Variants in LMNA observed in about 807,000 individuals in gnomAD.
LMNA encodes the protein lamin.
Under a neutral mutation model 70.4 loss-of-function variants are expected in LMNA, and 20 were observed. The observed-to-expected ratio is 0.28, with a 90% confidence interval of 0.20 to 0.41. The LOEUF is 0.41. Ranked by LOEUF, LMNA falls within the 10% of genes least tolerant of loss-of-function variation. LMNA has a pLI of 1.00. For synonymous variants in LMNA, 339 were observed against 372.8 expected (o/e 0.91, Z 1.04); for missense variants, 652 against 917.2 (o/e 0.71, Z 3.73).
At chr1:156,094,950 G>A (rs1449605835) in intron 3 of LMNA, among the ~76,000 whole-genome samples, 5 of 146,580 alleles carry the variant, frequency 3.4e-5, no homozygotes, top group Admixed American at 6.8e-5. Flanking sequence ...TTTTGAGAAC[G>A]GAGTCTTGCT....
rs1026488002 is a variant in LMNA, at chr1:156,126,237, C to T, written c.357-4380C>T. ...CTCTGAGGGCTGGTGAGCAGGGCTG[C>T]TGAGGAGTGGGTCTAAGGAGTCCCT... On this transcript the variant is annotated intron_variant, in intron 1 of 11. Coordinates refer to ENST00000368300, the MANE Select transcript of LMNA (RefSeq NM_170707.4). 3 of 1,518,208 alleles carry T rather than the reference C, an allele frequency of 2.0e-6. No homozygotes were observed. In the South Asian group the frequency reaches 3.7e-5, roughly 18 times the overall value. The allele number at this position is 1,518,208 out of a possible 1,614,324, so 94.0% of individuals were successfully genotyped here.
At chr1:156,091,922 AT>A (rs1014638897) in intron 3 of LMNA, among the ~76,000 whole-genome samples, 12 of 147,440 alleles carry the variant, frequency 8.1e-5, no homozygotes, top group South Asian at 2.2e-4. Context: ...ACAAAAAAAA[AT>A]TTTTTTTTTT....
At chr1:156,086,781 A>G (rs1648497068) in intron 2 of LMNA, among the ~76,000 whole-genome samples, 1 of 152,132 alleles carries the variant, frequency 6.6e-6, no homozygotes, top group Admixed American at 6.5e-5. Context: ...CTGGCATTAC[A>G]GCATGCACCA....
At position 156,138,060 on chromosome 1, in the gene LMNA, G is replaced by A. The variant is rs866262472; in HGVS notation, c.1698+317G>A. On this transcript the variant is annotated intron_variant, in intron 10 of 11. Coordinates refer to ENST00000368300, the MANE Select transcript of LMNA (RefSeq NM_170707.4). This position sits in a 1 kb window ranked among gnomAD's most constrained non-coding sequence, Gnocchi z 5.5. ...GGGAGGACAGACGTGGGGCATGCCC[G>A]CCCTGCCTCTCTCCCCCATTCTTGT... is the stretch of plus-strand genomic sequence containing the variant. 8.6e-5 allele frequency: 47 copies of A among 547,336 alleles called. No individual in the cohort carries two copies. In the Middle Eastern group the frequency reaches 3.5e-3, roughly 41 times the overall value. The allele number at this position is 547,336 out of a possible 1,614,324, so 33.9% of individuals were successfully genotyped here.
At chr1:156,088,083 G>T (rs1052978169) in intron 2 of LMNA, among the ~76,000 whole-genome samples, 3 of 151,646 alleles carry the variant, frequency 2.0e-5, no homozygotes, top group Non-Finnish European at 2.9e-5. Context: ...TGTTGGCCAG[G>T]ATGGTCTGTA....
intron 3 of LMNA, among the ~76,000 whole-genome samples, chr1:156,093,297 C>CA (rs1272057690): frequency 7.3e-6 from 1 of 136,568 alleles, no homozygotes; most frequent in African/African-American, 2.8e-5. Context: ...ATTTATATGT[C>CA]AATTTTTTTT....
At chr1:156,123,730 G>C (rs1019354975) in intron 1 of LMNA, among the ~76,000 whole-genome samples, 1 of 152,172 alleles carries the variant, frequency 6.6e-6, no homozygotes, top group African/African-American at 2.4e-5. Flanking sequence ...CTTGGCAGGA[G>C]ACCTTGCAGG....
At chr1:156,120,492 G>A (rs1650109429) in intron 1 of LMNA, among the ~76,000 whole-genome samples, 1 of 152,194 alleles carries the variant, frequency 6.6e-6, no homozygotes, top group East Asian at 1.9e-4. Context: ...GCTTTGGGAG[G>A]CTAAGGCAGG....
At position 156,135,758 on chromosome 1, in the gene LMNA, G is replaced by C; in HGVS notation, c.937-143G>C. 4.3e-6 allele frequency: 3 copies of C among 702,236 alleles called. No individual in the cohort carries two copies. Among genetic ancestry groups the C allele is most frequent in the Non-Finnish European group, 7.4e-6 (3 of 405,856 alleles). The allele number at this position is 702,236 out of a possible 1,614,324, so 43.5% of individuals were successfully genotyped here. ...ATGTTTAGAGCTTGTGATGTTCAGA[G>C]CTGGCTCTGATGAGGGCTCTGGGGA... On this transcript the variant is annotated intron_variant, in intron 5 of 11. Transcript: ENST00000368300. This position sits in a 1 kb window ranked among gnomAD's most constrained non-coding sequence, Gnocchi z 4.8.
Position 156,136,562 on chromosome 1 carries a change from ATCTCCTCCACAC to A in LMNA, c.1380+130_1380+141del, listed in dbSNP as rs1356535566. The A allele has an allele frequency of 1.0e-6, 1 of 995,130 alleles. No homozygotes were observed. Among genetic ancestry groups the A allele is most frequent in the Non-Finnish European group, 1.5e-6 (1 of 654,414 alleles). The allele number at this position is 995,130 out of a possible 1,614,324, so 61.6% of individuals were successfully genotyped here. ...AGGGTGGACCAGGGTGAGCCTGTAT[ATCTCCTCCACAC>A]TCTGGTTCCAGGCCTGGCTCCTGGA... On this transcript the variant is annotated intron_variant, in intron 7 of 11. Transcript: ENST00000368300. The surrounding 1 kb of genome is among the most constrained non-coding windows in gnomAD (Gnocchi z 6.1).
At chr1:156,126,739 T>G in intron 1 of LMNA, 1 of 1,566,994 alleles carries the variant, frequency 6.4e-7, no homozygotes, top group Non-Finnish European at 8.6e-7. Context: ...AGATCAGATT[T>G]GCCAGTGATG....
In LMNA at chr1:156,134,295, GT is replaced by G. The variant is rs1435499264; in HGVS notation, c.514-105del. 1.5e-5 allele frequency: 19 copies of G among 1,300,214 alleles called. No individual in the cohort carries two copies. Among genetic ancestry groups the G allele is most frequent in the Admixed American group, 2.0e-5 (1 of 51,180 alleles). The allele number at this position is 1,300,214 out of a possible 1,614,324, so 80.5% of individuals were successfully genotyped here. ...TCCAAGGCCCTCCTTCCCTGGACCTGTTTCCACATGTGTGAAGGGGTGCACA... is the reference window on the plus strand; with the variant it reads ...TCCAAGGCCCTCCTTCCCTGGACCTGTTCCACATGTGTGAAGGGGTGCACA... On this transcript the variant is annotated intron_variant, in intron 2 of 11. Coordinates refer to ENST00000368300, the MANE Select transcript of LMNA (RefSeq NM_170707.4). The surrounding 1 kb of genome is among the most constrained non-coding windows in gnomAD (Gnocchi z 5.3).
chr1:156,098,763 G>C (rs1293107619), intron 3 of LMNA, among the ~76,000 whole-genome samples: 4 of 152,174 alleles, frequency 2.6e-5, no homozygotes, highest in Non-Finnish European at 5.9e-5. Flanking sequence ...GTCATGTCTA[G>C]TGGGACTGAG....
At chr1:156,098,323 C>A (rs1479869306) in intron 3 of LMNA, among the ~76,000 whole-genome samples, 1 of 152,192 alleles carries the variant, frequency 6.6e-6, no homozygotes, top group Non-Finnish European at 1.5e-5. Flanking sequence ...GAAGAGTGAA[C>A]TAGATTCCCT....
chr1:156,137,290 C>G lies in LMNA; in HGVS notation c.1608+58C>G. On this transcript the variant is annotated intron_variant, in intron 9 of 11. Transcript: ENST00000368300. This position sits in a 1 kb window ranked among gnomAD's most constrained non-coding sequence, Gnocchi z 4.6. ...CGAGGCTCCCCCTGATGGCCAACAT[C>G]GGAGCCAGCTGCCCCCAACCCAAGT... 1 of 1,536,690 alleles carries G rather than the reference C, an allele frequency of 6.5e-7. No homozygotes were observed. The highest frequency in any genetic ancestry group is 8.7e-7 in the Non-Finnish European group (1 of 1,146,824).
intron 2 of LMNA, among the ~76,000 whole-genome samples, chr1:156,131,671 C>A (rs1572354642): frequency 6.6e-6 from 1 of 152,328 alleles, no homozygotes; most frequent in Non-Finnish European, 1.5e-5. Flanking sequence ...GACCCTAGAT[C>A]CCTCCCAGTT....
chr1:156,093,433 G>A (rs1038602626), intron 3 of LMNA, among the ~76,000 whole-genome samples: 2 of 149,842 alleles, frequency 1.3e-5, no homozygotes, highest in African/African-American at 2.5e-5. Context: ...AGCCTCCCAA[G>A]TAGCTGGGAT....
intron 3 of LMNA, among the ~76,000 whole-genome samples, chr1:156,098,828 C>T (rs1421588393): frequency 2.0e-5 from 3 of 152,160 alleles, no homozygotes; most frequent in South Asian, 2.1e-4. Context: ...CTCACCCCTC[C>T]CACCCCCATC....
At position 156,115,287 on chromosome 1, in the gene LMNA, A is replaced by G; in HGVS notation, c.356+13A>G. On this transcript the variant is annotated intron_variant, in intron 1 of 11. Coordinates refer to ENST00000368300, the MANE Select transcript of LMNA (RefSeq NM_170707.4). The surrounding 1 kb of genome is among the most constrained non-coding windows in gnomAD (Gnocchi z 5.8). ...AGCTGAAAGCGCGGTGAGTTCGCCCAGGTGGCTGCGTGCCTGGCGGGGAGT... is the reference window on the plus strand; with the variant it reads ...AGCTGAAAGCGCGGTGAGTTCGCCCGGGTGGCTGCGTGCCTGGCGGGGAGT... 1 of 1,593,832 alleles carries G rather than the reference A, an allele frequency of 6.3e-7. No individual in the cohort carries two copies. The highest frequency in any genetic ancestry group is 8.5e-7 in the Non-Finnish European group (1 of 1,175,006).
Sources: gnomAD v4.1 joint callset for allele counts (sites outside exome capture counted in the v4.1 genomes callset) on GRCh38, gnomAD v4.1.1 for gene constraint, Gnocchi (gnomAD v3.1) non-coding constraint, MANE v1.5 for transcripts, NCBI Gene and HGNC (gene_info 2026-07-23, HGNC 2026-07-21) for gene names.